TTC7B: variants seen among roughly 807,000 people sequenced by gnomAD.
The protein encoded by TTC7B is tetratricopeptide repeat protein 7B.
In TTC7B, 28 loss-of-function variants were observed where a neutral mutation model predicts 106.8. That is an observed-to-expected ratio of 0.26 (90% CI 0.19 to 0.36). The LOEUF (loss-of-function observed/expected upper bound fraction) is 0.36. Among genes scored for constraint, TTC7B ranks in the 10% least tolerant of loss-of-function variants. TTC7B has a pLI of 1.00. For synonymous variants in TTC7B, 405 were observed against 430.6 expected (o/e 0.94, Z 0.74); for missense variants, 862 against 1,076.4 (o/e 0.80, Z 2.79).
intron 19 of TTC7B, among the ~76,000 whole-genome samples, chr14:90,576,873 T>A (rs974476390): frequency 6.6e-6 from 1 of 152,230 alleles, no homozygotes; most frequent in African/African-American, 2.4e-5. Context: ...TTTTACTTAT[T>A]AGTTACAAAA....
chr14:90,748,300 T>C (rs991294648), intron 3 of TTC7B, among the ~76,000 whole-genome samples: 1 of 152,142 alleles, frequency 6.6e-6, no homozygotes, highest in Non-Finnish European at 1.5e-5. Flanking sequence ...ATATCAGTGA[T>C]TGCTTCAAGG....
chr14:90,733,222 C>T (rs1163321302), intron 4 of TTC7B, among the ~76,000 whole-genome samples: 1 of 138,520 alleles, frequency 7.2e-6, no homozygotes, highest in African/African-American at 2.7e-5. Flanking sequence ...CCACAAAAAC[C>T]CACCGAGATA....
rs115546987 is a variant in TTC7B, at chr14:90,549,916, T to G, written c.2311-8327A>C. Among the ~76,000 whole-genome samples, 406 of 152,214 alleles carry G rather than the reference T, an allele frequency of 2.7e-3. 3 individuals carry two copies. Among genetic ancestry groups the G allele is most frequent in the African/African-American group, 9.2e-3 (384 of 41,514 alleles). ...TGGCAGCTCTCAGCAATATTAGGAT[T>G]ATGGCTGTTCTCATTACCATTGTTA... On this transcript the variant is annotated intron_variant, in intron 19 of 19. Coordinates refer to ENST00000328459, the MANE Select transcript of TTC7B (RefSeq NM_001010854.2).
At chr14:90,720,222 C>T (rs1184551374) in intron 5 of TTC7B, among the ~76,000 whole-genome samples, 1 of 152,118 alleles carries the variant, frequency 6.6e-6, no homozygotes, top group Non-Finnish European at 1.5e-5. Flanking sequence ...CTTCAGGTTT[C>T]TGCTCAGTCA....
At chr14:90,687,310 C>T (rs146858437) in intron 7 of TTC7B, among the ~76,000 whole-genome samples, 134 of 152,306 alleles carry the variant, frequency 8.8e-4, no homozygotes, top group African/African-American at 3.1e-3. Context: ...CCTTTAATGA[C>T]TGCATTTTCT....
chr14:90,729,961 T>TA (rs1889262797), intron 5 of TTC7B, 114 bp downstream of exon 5: 1 of 1,151,062 alleles, frequency 8.7e-7, no homozygotes, highest in Non-Finnish European at 1.2e-6. Flanking sequence ...AAAGTTCCAA[T>TA]GGTAGTTCAT....
At chr14:90,626,203 C>T (rs1169572500) in intron 15 of TTC7B, among the ~76,000 whole-genome samples, 1 of 152,174 alleles carries the variant, frequency 6.6e-6, no homozygotes, top group East Asian at 1.9e-4. Flanking sequence ...ACAGTCCCTG[C>T]ACTTAGGAAA....
intron 5 of TTC7B, among the ~76,000 whole-genome samples, chr14:90,701,794 GTGTATATATA>G (rs1566844490): frequency 8.0e-6 from 1 of 124,888 alleles, no homozygotes; most frequent in Admixed American, 8.2e-5. Context: ...GTGTGTGTGT[GTGTATATATA>G]TATATATATA....
chr14:90,741,281 C>T (rs113520276), intron 4 of TTC7B, among the ~76,000 whole-genome samples: 41 of 152,282 alleles, frequency 2.7e-4, no homozygotes, highest in Admixed American at 2.6e-3. Context: ...ACTCAGAGAA[C>T]GGCACTCCCT....
chr14:90,630,528 G>A (rs555504721), intron 15 of TTC7B, among the ~76,000 whole-genome samples: 8 of 152,274 alleles, frequency 5.3e-5, no homozygotes, highest in South Asian at 2.1e-4. Flanking sequence ...ATTTTTAAGC[G>A]TACAGTTTAG....
chr14:90,564,048 T>C (rs4904707), intron 19 of TTC7B, among the ~76,000 whole-genome samples: 58,971 of 151,014 alleles, frequency 0.39, 11,886 homozygotes, highest in Admixed American at 0.47. Flanking sequence ...CCTCCTCCCA[T>C]GAATCATGGA....
At chr14:90,809,476 G>A (rs185334727) in intron 1 of TTC7B, among the ~76,000 whole-genome samples, 3,350 of 152,334 alleles carry the variant, frequency 0.022, 53 homozygotes, top group Middle Eastern at 0.048. Flanking sequence ...GTGGGAGTCC[G>A]AGCTGGAAGA....
At chr14:90,613,510 C>A (rs566609814) in intron 16 of TTC7B, among the ~76,000 whole-genome samples, 1 of 152,316 alleles carries the variant, frequency 6.6e-6, no homozygotes, top group East Asian at 1.9e-4. Flanking sequence ...TCAAGATTTA[C>A]ATTTGACTCC....
chr14:90,734,811 G>A (rs1364338006), intron 4 of TTC7B, among the ~76,000 whole-genome samples: 8 of 151,846 alleles, frequency 5.3e-5, no homozygotes, highest in South Asian at 2.1e-4. Context: ...TTTTGGAGAC[G>A]GAGTTTCTGT....
At position 90,624,868 on chromosome 14, in the gene TTC7B, G is replaced by A. The variant is rs1330196195; in HGVS notation, c.1752-6823C>T. Among the ~76,000 whole-genome samples the A allele has an allele frequency of 6.6e-6, 1 of 152,198 alleles. No homozygotes were observed. The highest frequency in any genetic ancestry group is 1.5e-5 in the Non-Finnish European group (1 of 68,040). On this transcript the variant is annotated intron_variant, in intron 15 of 19. Transcript: ENST00000328459. The surrounding 1 kb of genome is among the most constrained non-coding windows in gnomAD (Gnocchi z 4.0). ...TGCTGATCTGTGTTTGCGAGCTCCT[G>A]GGCTCTGCATGCCAGGGACCTGCTC...
chr14:90,628,493 C>T lies in TTC7B; in HGVS notation c.1752-10448G>A, dbSNP rs1484120996. On this transcript the variant is annotated intron_variant, in intron 15 of 19. Transcript: ENST00000328459. Reference sequence around the variant, plus strand: ...CATTGGGACCCAGTTCAGCAGACAACGGCAGATGCCAGAAGAATGGGAATC... The same window carrying T: ...CATTGGGACCCAGTTCAGCAGACAATGGCAGATGCCAGAAGAATGGGAATC... Among the ~76,000 whole-genome samples, 6 of 152,214 alleles carry T rather than the reference C, an allele frequency of 3.9e-5. 1 individual carries two copies. Among genetic ancestry groups the T allele is most frequent in the South Asian group, 4.1e-4 (2 of 4,830 alleles).
chr14:90,586,576 C>T (rs530693740), intron 18 of TTC7B, among the ~76,000 whole-genome samples: 1 of 152,292 alleles, frequency 6.6e-6, no homozygotes, highest in African/African-American at 2.4e-5. Flanking sequence ...GGCTGTTCCC[C>T]AAGCTTTAAA....
intron 17 of TTC7B, among the ~76,000 whole-genome samples, chr14:90,601,117 A>T (rs1036340573): frequency 6.6e-6 from 1 of 152,172 alleles, no homozygotes; most frequent in Non-Finnish European, 1.5e-5. Flanking sequence ...ATACTACAGA[A>T]CTAATTAAGG....
rs1389921738 is a variant in TTC7B at position 90,530,737 on chromosome 14, T to C, written c.*10631A>G. 1 of 152,194 alleles carries C rather than the reference T, an allele frequency of 6.6e-6. No homozygotes were observed. Among genetic ancestry groups the C allele is most frequent in the East Asian group, 1.9e-4 (1 of 5,196 alleles). The allele number at this position is 152,194 out of a possible 1,614,324, so 9.4% of individuals were successfully genotyped here. A position where few individuals can be genotyped will look rare whatever the true frequency, so the allele number is the denominator to read the frequency against. ...AAAGGGCAAAGTTTGATGTCTTTCC[T>C]AGTACTTCCAGAAAGAACAGCCCTG... On this transcript the variant is annotated 3_prime_UTR_variant, in exon 20 of 20. Coordinates refer to ENST00000328459, the MANE Select transcript of TTC7B (RefSeq NM_001010854.2).
Sources: gnomAD v4.1 joint callset for allele counts (sites outside exome capture counted in the v4.1 genomes callset) on GRCh38, gnomAD v4.1.1 for gene constraint, Gnocchi (gnomAD v3.1) non-coding constraint, MANE v1.5 for transcripts, NCBI Gene and HGNC (gene_info 2026-07-23, HGNC 2026-07-21) for gene names.